MAP4K4: variants seen among roughly 807,000 people sequenced by gnomAD.
The protein encoded by MAP4K4 is HPK/GCK-like kinase HGK.
A neutral mutation model predicts 189.6 loss-of-function variants in MAP4K4; 38 were observed. That is an observed-to-expected ratio of 0.20 (90% CI 0.15 to 0.26). MAP4K4 has a LOEUF of 0.26. MAP4K4 is among the 10% of genes least tolerant of loss of function. MAP4K4 has a pLI of 1.00. For synonymous variants in MAP4K4, 610 were observed against 624.3 expected (o/e 0.98, Z 0.34); for missense variants, 1,054 against 1,726.9 (o/e 0.61, Z 6.91).
intron 2 of MAP4K4, among the ~76,000 whole-genome samples, chr2:101,767,738 TCTAA>T (rs2079262891): frequency 6.6e-6 from 1 of 152,208 alleles, no homozygotes; most frequent in African/African-American, 2.4e-5. Flanking sequence ...AGATGCTCCT[TCTAA>T]CTGACACCCA....
intron 2 of MAP4K4, among the ~76,000 whole-genome samples, chr2:101,741,447 C>A (rs992554962): frequency 6.6e-6 from 1 of 152,020 alleles, no homozygotes; most frequent in South Asian, 2.1e-4. Context: ...GGATTACAGG[C>A]GTGAACCACC....
intron 2 of MAP4K4, among the ~76,000 whole-genome samples, chr2:101,761,402 C>T (rs2076322115): frequency 6.6e-6 from 1 of 151,812 alleles, no homozygotes; most frequent in South Asian, 2.1e-4. Context: ...TTGCTTGGGC[C>T]CAGTCATCTA....
rs144741744 is a variant in MAP4K4 at position 101,754,122 on chromosome 2, T to C, written c.124-36598T>C. On this transcript the variant is annotated intron_variant, in intron 2 of 32. Coordinates refer to ENST00000324219, the Ensembl canonical transcript of MAP4K4. ...TTTCAGTGTTAGACACTAGTTAATA[T>C]TAATCTAGCCCTGTCTGCATCTTAT... Among the ~76,000 whole-genome samples the C allele has an allele frequency of 4.7e-3, 718 of 152,306 alleles. 6 individuals are homozygous for C. Among genetic ancestry groups the C allele is most frequent in the African/African-American group, 0.016 (684 of 41,564 alleles).
Position 101,865,056 on chromosome 2 carries a change from T to C in MAP4K4, c.2204+20T>C. On this transcript the variant is annotated intron_variant, in intron 18 of 32. Coordinates refer to ENST00000324219, the Ensembl canonical transcript of MAP4K4. ...CACCAGGTAAAAGACAAGTGAGCAC[T>C]GAGAACAGGCCTTCTGTGCAGTCTA... The C allele has an allele frequency of 4.2e-6, 6 of 1,438,524 alleles. No homozygotes were observed. In the East Asian group the frequency reaches 7.4e-5, roughly 18 times the overall value. 89.1% of individuals were successfully genotyped at this position (1,438,524 alleles called of 1,614,324 possible).
intron 21 of MAP4K4, among the ~76,000 whole-genome samples, chr2:101,868,599 A>G (rs919611610): frequency 1.4e-4 from 21 of 152,290 alleles, no homozygotes; most frequent in Non-Finnish European, 2.4e-4. Context: ...AACAAATTCC[A>G]CTATTGATTT....
At chr2:101,887,351 G>C in intron 30 of MAP4K4, 114 bp downstream of exon 30, 3 of 1,065,546 alleles carry the variant, frequency 2.8e-6, no homozygotes, top group Non-Finnish European at 4.0e-6. Context: ...CCCTTGGTGT[G>C]GGGGTGAGTA....
intron 2 of MAP4K4, among the ~76,000 whole-genome samples, chr2:101,736,251 T>C (rs1305040268): frequency 6.6e-6 from 1 of 152,226 alleles, no homozygotes; most frequent in African/African-American, 2.4e-5. Context: ...TGGTTGCCCA[T>C]TGCTGACAGT....
intron 2 of MAP4K4, among the ~76,000 whole-genome samples, chr2:101,736,782 C>T (rs1013583829): frequency 3.3e-5 from 5 of 152,158 alleles, no homozygotes; most frequent in Middle Eastern, 3.2e-3. Flanking sequence ...TTCTGGGTTG[C>T]AGAGTTAGTG....
At chr2:101,724,405 A>G (rs954804844) in intron 2 of MAP4K4, among the ~76,000 whole-genome samples, 4 of 152,160 alleles carry the variant, frequency 2.6e-5, no homozygotes, top group African/African-American at 7.2e-5. Flanking sequence ...CTTTTATACA[A>G]AAGGAGGGAT....
intron 2 of MAP4K4, among the ~76,000 whole-genome samples, chr2:101,744,435 G>A (rs906605329): frequency 9.9e-5 from 15 of 152,168 alleles, no homozygotes; most frequent in Admixed American, 8.5e-4. Context: ...CTCGAAGTCC[G>A]ACAGAGCAGA....
At chr2:101,839,080 A>G (rs757374509) in intron 9 of MAP4K4, among the ~76,000 whole-genome samples, 1 of 152,230 alleles carries the variant, frequency 6.6e-6, no homozygotes, top group African/African-American at 2.4e-5. Context: ...GTTGCCAGGA[A>G]GATTTACCAG....
chr2:101,892,425 G>GT (rs959213574), exon 33 of MAP4K4: 2 of 159,258 alleles, frequency 1.3e-5, no homozygotes, highest in African/African-American at 4.8e-5. Flanking sequence ...AGAATGCTTT[G>GT]TTTTTACCAG....
rs1204818113 is a variant in MAP4K4, at chr2:101,875,630, T to C, written c.3242-1373T>C. On this transcript the variant is annotated intron_variant, in intron 26 of 32. Coordinates refer to ENST00000324219, the Ensembl canonical transcript of MAP4K4. ...TTCCGCCTCACTCCCTCTACACAAA[T>C]ACTTTATTCCTTGTCTTGGTGAGTT... 2.6e-5 allele frequency among the ~76,000 whole-genome samples: 4 copies of C among 152,356 alleles called. No individual in the cohort carries two copies. In the East Asian group the frequency reaches 7.7e-4, roughly 29 times the overall value.
intron 2 of MAP4K4, among the ~76,000 whole-genome samples, chr2:101,732,465 C>A (rs537705511): frequency 9.5e-4 from 145 of 152,208 alleles, no homozygotes; most frequent in African/African-American, 3.4e-3. Flanking sequence ...CGGTTTCATT[C>A]CCCGCTCCCC....
At chr2:101,766,380 T>A (rs1049923643) in intron 2 of MAP4K4, among the ~76,000 whole-genome samples, 3 of 152,192 alleles carry the variant, frequency 2.0e-5, no homozygotes, top group Admixed American at 6.5e-5. Context: ...GATTTCTGCT[T>A]TATGATAAGC....
At chr2:101,706,586 T>C (rs2042428426) in intron 2 of MAP4K4, among the ~76,000 whole-genome samples, 1 of 152,224 alleles carries the variant, frequency 6.6e-6, no homozygotes, top group South Asian at 2.1e-4. Flanking sequence ...TATCACATTT[T>C]CCAAATGCTT....
At chr2:101,750,224 G>A (rs575419838) in intron 2 of MAP4K4, among the ~76,000 whole-genome samples, 5 of 145,456 alleles carry the variant, frequency 3.4e-5, no homozygotes, top group Admixed American at 6.9e-5. Context: ...TGTTTATTGC[G>A]GCATTATTCA....
chr2:101,806,869 G>T (rs952824702), intron 3 of MAP4K4, among the ~76,000 whole-genome samples: 10 of 152,146 alleles, frequency 6.6e-5, no homozygotes, highest in African/African-American at 2.4e-4. Flanking sequence ...GTTCAAAAGG[G>T]AAAGGAGGAA....
At chr2:101,819,771 T>C (rs1354884182) in intron 3 of MAP4K4, among the ~76,000 whole-genome samples, 1 of 152,212 alleles carries the variant, frequency 6.6e-6, no homozygotes, top group Non-Finnish European at 1.5e-5. Context: ...TTGATTATAT[T>C]TTAGTTGTTC....
Sources: gnomAD v4.1 joint callset for allele counts (sites outside exome capture counted in the v4.1 genomes callset) on GRCh38, gnomAD v4.1.1 for gene constraint, MANE v1.5 for transcripts, NCBI Gene and HGNC (gene_info 2026-07-23, HGNC 2026-07-21) for gene names.